Variants in SH2D4B observed in about 807,000 individuals in gnomAD.
The protein encoded by SH2D4B is SH2 domain-containing protein 4B.
In SH2D4B, 45 loss-of-function variants were observed where a neutral mutation model predicts 61.5. That is an observed-to-expected ratio of 0.73 (90% confidence interval 0.58 to 0.94). The LOEUF (loss-of-function observed/expected upper bound fraction) is 0.94, where lower values mean the gene tolerates loss of function less well. Among genes scored for constraint, SH2D4B ranks in the 40% least tolerant of loss-of-function variants. SH2D4B has a pLI of 0.00. For synonymous variants in SH2D4B, 224 were observed against 220.4 expected (o/e 1.02, Z -0.14); for missense variants, 572 against 574.2 (o/e 1.00, Z 0.04).
chr10:80,624,510 C>T (rs1308402050), intron 6 of SH2D4B, among the ~76,000 whole-genome samples: 2 of 152,218 alleles, frequency 1.3e-5, no homozygotes, highest in African/African-American at 4.8e-5. Flanking sequence ...GAGGGAGTTT[C>T]TAGAATGTGA....
At chr10:80,551,331 G>A (rs925335019) in intron 1 of SH2D4B, among the ~76,000 whole-genome samples, 11 of 152,308 alleles carry the variant, frequency 7.2e-5, no homozygotes, top group African/African-American at 2.4e-4. Context: ...TGGGATTACA[G>A]ATGTGAGCCA....
chr10:80,605,433 T>C (rs755455952), intron 5 of SH2D4B, among the ~76,000 whole-genome samples: 2 of 152,212 alleles, frequency 1.3e-5, no homozygotes, highest in Non-Finnish European at 2.9e-5. Flanking sequence ...TTTTCTCAGT[T>C]TGGCACTTAT....
chr10:80,539,000 G>A lies in SH2D4B; in HGVS notation c.184+485G>A, dbSNP rs549391379. On this transcript the variant is annotated intron_variant, in intron 1 of 7. Transcript: ENST00000646907. This position sits in a 1 kb window ranked among gnomAD's most constrained non-coding sequence, Gnocchi z 4.8. ...CTGTGCCTCTCCCTCCAGATCCTCC[G>A]GCAGGAGGATGCTGTGGGTTGTCTC... 4.6e-5 allele frequency among the ~76,000 whole-genome samples: 7 copies of A among 152,336 alleles called. No homozygotes were observed. Among genetic ancestry groups the A allele is most frequent in the Admixed American group, 4.6e-4 (7 of 15,312 alleles).
rs531609900 is a variant in SH2D4B, at chr10:80,603,697, C to T, written c.762C>T (p.Ser254=). 2.5e-5 allele frequency: 40 copies of T among 1,613,380 alleles called. No individual in the cohort carries two copies. Among genetic ancestry groups the T allele is most frequent in the Admixed American group, 6.7e-5 (4 of 59,976 alleles). The part of the protein sequence containing the change: ...IQKGTVAGLS[S]MFRELGQSHE... ...AGGGCACGGTCGCTGGCCTCAGCTC[C>T]ATGTTCCGGGAGCTTGGCCAGAGCC... The change falls in exon 5 of 8, where the codon TCC becomes TCT. Residue 254 remains serine (S), a synonymous_variant. Coordinates refer to ENST00000646907, the MANE Select transcript of SH2D4B (RefSeq NM_001388272.1).
At chr10:80,551,454 G>T (rs1841760658) in intron 1 of SH2D4B, among the ~76,000 whole-genome samples, 1 of 151,952 alleles carries the variant, frequency 6.6e-6, no homozygotes, top group South Asian at 2.1e-4. Context: ...TATATAACAG[G>T]CAAAGGATTA....
intron 6 of SH2D4B, among the ~76,000 whole-genome samples, chr10:80,622,670 G>A (rs1296601859): frequency 6.6e-6 from 1 of 152,238 alleles, no homozygotes. Flanking sequence ...GGGTTGGGGA[G>A]GGCAGAACTC....
chr10:80,573,078 G>A (rs188080483), intron 3 of SH2D4B, among the ~76,000 whole-genome samples: 2,986 of 127,742 alleles, frequency 0.023, 105 homozygotes, highest in African/African-American at 0.082. Context: ...TCCGCCTCCC[G>A]GGTTCATGCC....
Position 80,603,660 on chromosome 10 carries a change from G to C in SH2D4B, c.725G>C (p.Arg242Pro). The change falls in exon 5 of 8, where the codon CGT becomes CCT. Residue 242 changes from arginine (R) to proline (P), a missense_variant. By Grantham distance (103) the Arg-to-Pro change is moderately radical. Transcript: ENST00000646907. ...GACGAGTACCGACACCACTCGCTCC[G>C]TGCTATCCAGAAGGGCACGGTCGCT... ...ARDEYRHHSL[R>P]AIQKGTVAGL... is the part of the protein sequence containing the mutation. 1 of 1,608,116 alleles carries C rather than the reference G, an allele frequency of 6.2e-7. No homozygotes were observed. The highest frequency in any genetic ancestry group is 8.5e-7 in the Non-Finnish European group (1 of 1,177,828).
At chr10:80,558,958 A>G (rs953434589) in intron 1 of SH2D4B, among the ~76,000 whole-genome samples, 3 of 152,220 alleles carry the variant, frequency 2.0e-5, no homozygotes, top group African/African-American at 7.2e-5. Context: ...ATTTATGCTT[A>G]TATCTATAAT....
At chr10:80,563,286 T>A (rs989013712) in intron 1 of SH2D4B, among the ~76,000 whole-genome samples, 6 of 152,242 alleles carry the variant, frequency 3.9e-5, no homozygotes, top group African/African-American at 1.4e-4. Flanking sequence ...GCCAATTTTT[T>A]AAATTGGGTT....
chr10:80,598,001 G>A (rs181514767), intron 4 of SH2D4B, among the ~76,000 whole-genome samples: 18 of 152,266 alleles, frequency 1.2e-4, no homozygotes, highest in African/African-American at 4.1e-4. Context: ...GGAAAGAGGA[G>A]GCAGAGCAAA....
chr10:80,555,136 C>A (rs1247922488), intron 1 of SH2D4B, among the ~76,000 whole-genome samples: 1 of 151,736 alleles, frequency 6.6e-6, no homozygotes, highest in East Asian at 1.9e-4. Flanking sequence ...TCATATGTAG[C>A]AAGGACCTAC....
At chr10:80,624,908 G>C (rs1197343585) in intron 6 of SH2D4B, among the ~76,000 whole-genome samples, 1 of 152,066 alleles carries the variant, frequency 6.6e-6, no homozygotes, top group South Asian at 2.1e-4. Flanking sequence ...TACCATATAT[G>C]TATATACATA....
chr10:80,604,132 G>A (rs1254955379), intron 5 of SH2D4B, among the ~76,000 whole-genome samples: 1 of 152,210 alleles, frequency 6.6e-6, no homozygotes, highest in Non-Finnish European at 1.5e-5. Flanking sequence ...AAGGGCCTCC[G>A]GCTAAGAACT....
intron 6 of SH2D4B, among the ~76,000 whole-genome samples, chr10:80,615,891 G>A (rs1391430106): frequency 6.6e-6 from 1 of 152,144 alleles, no homozygotes; most frequent in Admixed American, 6.5e-5. Context: ...AGGATTAAAT[G>A]TATCAACATT....
chr10:80,586,253 G>A (rs1049651045), intron 3 of SH2D4B, among the ~76,000 whole-genome samples: 6 of 152,232 alleles, frequency 3.9e-5, no homozygotes, highest in Non-Finnish European at 5.9e-5. Flanking sequence ...GAGCTGAGGA[G>A]TGTGGGCGCA....
At chr10:80,585,974 C>G (rs930495748) in intron 3 of SH2D4B, among the ~76,000 whole-genome samples, 1 of 152,120 alleles carries the variant, frequency 6.6e-6, no homozygotes, top group Non-Finnish European at 1.5e-5. Flanking sequence ...CTCGGAGCGT[C>G]GAGCCGGCCC....
rs758852205 is a variant in SH2D4B at position 80,541,553 on chromosome 10, G to A, written c.184+3038G>A. Among the ~76,000 whole-genome samples, 8 of 152,080 alleles carry A rather than the reference G, an allele frequency of 5.3e-5. No homozygotes were observed. The South Asian group carries it at 1.0e-3, about 20-fold the overall frequency. The stretch of plus-strand genomic sequence containing the variant: ...CCTAGAGTGACACTGGGCCTCCTCC[G>A]GGCCATCGTCCCCAGTGCTCTAAAG... On this transcript the variant is annotated intron_variant, in intron 1 of 7. Coordinates refer to ENST00000646907, the MANE Select transcript of SH2D4B (RefSeq NM_001388272.1).
chr10:80,557,966 T>TAA (rs1841859078), intron 1 of SH2D4B, among the ~76,000 whole-genome samples: 1 of 152,144 alleles, frequency 6.6e-6, no homozygotes. Context: ...AATATAAGCA[T>TAA]TTGATGCTAT....
Sources: allele counts gnomAD v4.1 joint callset (sites outside exome capture counted in the v4.1 genomes callset), GRCh38; gene constraint gnomAD v4.1.1; non-coding constraint Gnocchi (gnomAD v3.1); transcripts MANE v1.5; gene names NCBI Gene and HGNC (gene_info 2026-07-23, HGNC 2026-07-21).